XPO1: variants seen among roughly 807,000 people sequenced by gnomAD.
XPO1 encodes the protein exportin 1, also known as exportin-1.
Under a neutral mutation model 133.3 loss-of-function variants are expected in XPO1, and 5 were observed. The observed-to-expected ratio is 0.04, with a 90% CI of 0.02 to 0.08. The LOEUF is 0.08. XPO1 is among the 10% of genes least tolerant of loss of function. The probability of loss-of-function intolerance (pLI) is 1.00; values close to 1 mark genes in which losing one functional copy is unlikely to be tolerated. For synonymous variants in XPO1, 419 were observed against 408.2 expected (o/e 1.03, Z -0.32); for missense variants, 506 against 1,267.5 (o/e 0.40, Z 9.12).
intron 2 of XPO1, among the ~76,000 whole-genome samples, chr2:61,530,744 T>C (rs1240249529): frequency 6.6e-6 from 1 of 151,444 alleles, no homozygotes; most frequent in Admixed American, 6.6e-5. Flanking sequence ...AAAAAAAACC[T>C]ACCTACAGCT....
intron 4 of XPO1, among the ~76,000 whole-genome samples, chr2:61,522,385 C>CA (rs1698737169): frequency 6.6e-6 from 1 of 152,130 alleles, no homozygotes; most frequent in Admixed American, 6.6e-5. Context: ...TATTTATTGT[C>CA]AGAGTTTTCA....
At chr2:61,498,310 C>T (rs965321801) in intron 9 of XPO1, among the ~76,000 whole-genome samples, 8 of 152,148 alleles carry the variant, frequency 5.3e-5, no homozygotes, top group Non-Finnish European at 1.2e-4. Context: ...CAGGCTAAAC[C>T]ATTATAGAAC....
intron 2 of XPO1, among the ~76,000 whole-genome samples, chr2:61,528,351 T>C (rs970265719): frequency 6.6e-6 from 1 of 152,136 alleles, no homozygotes; most frequent in African/African-American, 2.4e-5. Flanking sequence ...AAAAATCTTT[T>C]AGGCTGGGCA....
At chr2:61,501,226 GT>G (rs895835798) in intron 6 of XPO1, among the ~76,000 whole-genome samples, 3 of 151,894 alleles carry the variant, frequency 2.0e-5, no homozygotes, top group African/African-American at 4.8e-5. Context: ...AGAAATTACT[GT>G]TTTTTCCCCC....
intron 19 of XPO1, among the ~76,000 whole-genome samples, chr2:61,486,276 C>T (rs1054359182): frequency 1.3e-5 from 2 of 152,014 alleles, no homozygotes; most frequent in Non-Finnish European, 2.9e-5. Context: ...CAGGTTCAAG[C>T]AATTCTTGTG....
intron 2 of XPO1, among the ~76,000 whole-genome samples, chr2:61,527,316 C>G (rs1698945793): frequency 8.1e-6 from 1 of 123,712 alleles, no homozygotes; most frequent in Non-Finnish European, 1.7e-5. Context: ...GAGGCCATGA[C>G]TCTCCAAAAA....
At chr2:61,484,189 T>G in intron 20 of XPO1, 84 bp from the exon 21 acceptor site, 4 of 1,237,654 alleles carry the variant, frequency 3.2e-6, no homozygotes, top group Non-Finnish European at 4.5e-6. Context: ...CTTAATCCAG[T>G]ATAAATATTT....
At chr2:61,533,276 G>C (rs1452345406) in intron 2 of XPO1, among the ~76,000 whole-genome samples, 1 of 151,844 alleles carries the variant, frequency 6.6e-6, no homozygotes, top group Non-Finnish European at 1.5e-5. Flanking sequence ...CTTTTAGTTG[G>C]GTTCAAAAAA....
At chr2:61,531,400 T>C (rs1699149029) in intron 2 of XPO1, among the ~76,000 whole-genome samples, 1 of 152,234 alleles carries the variant, frequency 6.6e-6, no homozygotes, top group Non-Finnish European at 1.5e-5. Context: ...TACTTTTTAT[T>C]AACAAGTCAA....
chr2:61,527,310 C>G (rs1698945331), intron 2 of XPO1, among the ~76,000 whole-genome samples: 1 of 137,284 alleles, frequency 7.3e-6, no homozygotes, highest in Non-Finnish European at 1.6e-5. Context: ...TGTAACGAGG[C>G]CATGACTCTC....
At chr2:61,523,731 G>T (rs1449455159) in intron 3 of XPO1, among the ~76,000 whole-genome samples, 1 of 152,074 alleles carries the variant, frequency 6.6e-6, no homozygotes, top group Non-Finnish European at 1.5e-5. Flanking sequence ...TCAACCAAAG[G>T]GATCATGTGA....
chr2:61,483,395 C>T (rs1482392109), intron 21 of XPO1: 1 of 274,042 alleles, frequency 3.6e-6, no homozygotes. Flanking sequence ...AGGGATAAGA[C>T]TACACATAAG....
At position 61,496,292 on chromosome 2, in the gene XPO1, A is replaced by C. The variant is rs1168774557; in HGVS notation, c.888+587T>G. 2.0e-5 allele frequency among the ~76,000 whole-genome samples: 3 copies of C among 152,182 alleles called. No individual in the cohort carries two copies. The East Asian group carries it at 5.8e-4, about 29-fold the overall frequency. On this transcript the variant is annotated intron_variant, in intron 10 of 24. Transcript: ENST00000401558. ...AATAGTGTGACCATAGCTCATTTTA[A>C]CTTTGTATTAATAGGCTCAAGCGAT...
chr2:61,482,596 C>T (rs1696441446), intron 22 of XPO1, 57 bp from the exon 23 acceptor site: 6 of 1,341,548 alleles, frequency 4.5e-6, no homozygotes, highest in South Asian at 1.5e-5. Context: ...TAGATCTTAG[C>T]GTTTTTTTTT....
chr2:61,509,562 G>T (rs894743712), intron 4 of XPO1, among the ~76,000 whole-genome samples: 5 of 152,012 alleles, frequency 3.3e-5, no homozygotes, highest in Non-Finnish European at 7.4e-5. Context: ...GGAGGCAGAG[G>T]TTGCAGTGAG....
At chr2:61,484,187 A>G (rs749435647) in intron 20 of XPO1, 82 bp from the exon 21 acceptor site, 17 of 1,254,756 alleles carry the variant, frequency 1.4e-5, no homozygotes, top group Non-Finnish European at 1.8e-5. Flanking sequence ...GGCTTAATCC[A>G]GTATAAATAT....
Position 61,495,749 on chromosome 2 carries a change from G to A in XPO1, c.889-136C>T, listed in dbSNP as rs1697212036. On this transcript the variant is annotated intron_variant, in intron 10 of 24. Coordinates refer to ENST00000401558, the MANE Select transcript of XPO1 (RefSeq NM_003400.4). ...TGCAGTGGTATGACCAAAGCTCACTGCAGCCTCCACCTCCTAGGCCCAATC... is the reference window on the plus strand; with the variant it reads ...TGCAGTGGTATGACCAAAGCTCACTACAGCCTCCACCTCCTAGGCCCAATC... 1.1e-5 allele frequency: 9 copies of A among 819,490 alleles called. No homozygotes were observed. The South Asian group carries it at 2.1e-4, about 19-fold the overall frequency. 50.8% of individuals were successfully genotyped at this position (819,490 alleles called of 1,614,324 possible).
intron 10 of XPO1, among the ~76,000 whole-genome samples, chr2:61,496,399 A>G (rs1341896569): frequency 6.6e-6 from 1 of 151,982 alleles, no homozygotes; most frequent in Non-Finnish European, 1.5e-5. Context: ...TTTCGTAGGT[A>G]TGGTCTGGTT....
intron 19 of XPO1, among the ~76,000 whole-genome samples, chr2:61,486,855 G>T (rs1266291496): frequency 3.9e-5 from 6 of 152,052 alleles, no homozygotes; most frequent in Non-Finnish European, 8.8e-5. Context: ...GCCTAAACTG[G>T]ACTTGAGCTG....
Sources: allele counts gnomAD v4.1 joint callset (sites outside exome capture counted in the v4.1 genomes callset), GRCh38; gene constraint gnomAD v4.1.1; transcripts MANE v1.5; gene names NCBI Gene and HGNC (gene_info 2026-07-23, HGNC 2026-07-21).